PTPRD: variants seen among roughly 807,000 people sequenced by gnomAD.
The protein encoded by PTPRD is receptor-type tyrosine-protein phosphatase delta.
Under a neutral mutation model 214.5 loss-of-function variants are expected in PTPRD, and 34 were observed. The ratio of observed to expected loss-of-function variants is 0.16; its 90% CI spans 0.12 to 0.21. PTPRD has a LOEUF of 0.21. Among genes scored for constraint, PTPRD ranks in the 10% least tolerant of loss-of-function variants. The pLI, the probability that PTPRD is intolerant of heterozygous loss-of-function variation, is 1.00. For synonymous variants in PTPRD, 1,128 were observed against 845.7 expected (o/e 1.33, Z -5.79); for missense variants, 2,545 against 2,398.7 (o/e 1.06, Z -1.27).
chr9:9,841,362 A>G (rs1389078475), intron 5 of PTPRD, among the ~76,000 whole-genome samples: 1 of 152,082 alleles, frequency 6.6e-6, no homozygotes, highest in Non-Finnish European at 1.5e-5. Flanking sequence ...AACTTGTGCA[A>G]GTTACTTTTT....
intron 14 of PTPRD, among the ~76,000 whole-genome samples, chr9:8,584,363 G>C (rs1440262022): frequency 3.3e-5 from 5 of 151,634 alleles, no homozygotes; most frequent in African/African-American, 1.2e-4. Flanking sequence ...ATTAGGTTGG[G>C]TAGAAAAATG....
chr9:10,259,046 G>T (rs1023475949), intron 3 of PTPRD, among the ~76,000 whole-genome samples: 1 of 151,404 alleles, frequency 6.6e-6, no homozygotes, highest in Non-Finnish European at 1.5e-5. Flanking sequence ...TTTTTGAGAC[G>T]GAGTCTCACT....
intron 43 of PTPRD, among the ~76,000 whole-genome samples, chr9:8,333,329 T>C (rs899457854): frequency 1.3e-5 from 2 of 152,154 alleles, no homozygotes; most frequent in African/African-American, 4.8e-5. Flanking sequence ...TTGCTTTCAA[T>C]AGCAAGAAGA....
At chr9:9,875,858 T>C (rs1003676164) in intron 5 of PTPRD, among the ~76,000 whole-genome samples, 15 of 152,046 alleles carry the variant, frequency 9.9e-5, no homozygotes, top group Non-Finnish European at 2.2e-4. Flanking sequence ...TAAAATACTA[T>C]AAAAAAGGAA....
intron 5 of PTPRD, among the ~76,000 whole-genome samples, chr9:9,897,624 G>A (rs139952633): frequency 6.6e-6 from 1 of 151,920 alleles, no homozygotes; most frequent in Non-Finnish European, 1.5e-5. Context: ...AATATATACA[G>A]TATTACAAAC....
At chr9:10,230,466 ATCTATCTATCTG>A (rs1193256648) in intron 3 of PTPRD, among the ~76,000 whole-genome samples, 11 of 151,608 alleles carry the variant, frequency 7.3e-5, no homozygotes, top group African/African-American at 2.7e-4. Flanking sequence ...CTATCTATCT[ATCTATCTATCTG>A]TCTATCTACC....
At chr9:9,303,645 T>C (rs17605580) in intron 9 of PTPRD, among the ~76,000 whole-genome samples, 18,460 of 152,086 alleles carry the variant, frequency 0.12, 1,409 homozygotes, top group Non-Finnish European at 0.17. Flanking sequence ...ACAGTCAACA[T>C]GTGGATTGGT....
intron 2 of PTPRD, among the ~76,000 whole-genome samples, chr9:10,571,812 G>A (rs1591209936): frequency 6.6e-6 from 1 of 152,020 alleles, no homozygotes; most frequent in African/African-American, 2.4e-5. Context: ...TCTCTCACAT[G>A]AGCAGTTCAC....
At chr9:8,751,378 C>T (rs545363578) in intron 11 of PTPRD, among the ~76,000 whole-genome samples, 1 of 150,992 alleles carries the variant, frequency 6.6e-6, no homozygotes, top group Non-Finnish European at 1.5e-5. Flanking sequence ...ATCTGTGATT[C>T]CGGAAAGGCT....
intron 14 of PTPRD, among the ~76,000 whole-genome samples, chr9:8,558,629 C>A (rs1435737723): frequency 1.3e-5 from 2 of 152,318 alleles, no homozygotes; most frequent in East Asian, 3.9e-4. Flanking sequence ...AAGCCTAGAA[C>A]CCAGACAGTC....
intron 2 of PTPRD, among the ~76,000 whole-genome samples, chr9:10,586,993 A>G (rs1361403869): frequency 6.6e-6 from 1 of 152,024 alleles, no homozygotes; most frequent in East Asian, 1.9e-4. Context: ...AAGACAGGCT[A>G]TTTCACCATC....
At chr9:8,972,847 A>G (rs2099246647) in intron 11 of PTPRD, among the ~76,000 whole-genome samples, 1 of 151,970 alleles carries the variant, frequency 6.6e-6, no homozygotes, top group Non-Finnish European at 1.5e-5. Context: ...TGCCATAGAT[A>G]AATGGTGACA....
At chr9:8,727,945 C>T (rs2098604061) in intron 12 of PTPRD, among the ~76,000 whole-genome samples, 1 of 152,172 alleles carries the variant, frequency 6.6e-6, no homozygotes, top group Non-Finnish European at 1.5e-5. Context: ...ACACTCTAAT[C>T]TAACTTAAGA....
intron 2 of PTPRD, among the ~76,000 whole-genome samples, chr9:10,571,688 A>C (rs1006940793): frequency 6.6e-6 from 1 of 152,168 alleles, no homozygotes; most frequent in Non-Finnish European, 1.5e-5. Context: ...ACCAGGGACC[A>C]CTTTCATGGA....
intron 9 of PTPRD, among the ~76,000 whole-genome samples, chr9:9,270,014 A>G (rs1455236594): frequency 1.3e-5 from 2 of 150,424 alleles, no homozygotes; most frequent in African/African-American, 4.9e-5. Context: ...TTACTATATA[A>G]TATTACTATA....
At chr9:9,548,424 TTA>T (rs1173281489) in intron 8 of PTPRD, among the ~76,000 whole-genome samples, 7 of 150,092 alleles carry the variant, frequency 4.7e-5, no homozygotes, top group Non-Finnish European at 5.9e-5. Context: ...TTTTTTTTTT[TTA>T]AGACGGAGTC....
At chr9:10,580,732 CACAG>C (rs1418735690) in intron 2 of PTPRD, among the ~76,000 whole-genome samples, 1 of 152,146 alleles carries the variant, frequency 6.6e-6, no homozygotes, top group Non-Finnish European at 1.5e-5. Context: ...AACCAGGTCT[CACAG>C]AGACAAAGTG....
intron 8 of PTPRD, among the ~76,000 whole-genome samples, chr9:9,438,696 T>C (rs778504284): frequency 2.6e-5 from 4 of 152,194 alleles, no homozygotes; most frequent in Non-Finnish European, 5.9e-5. Flanking sequence ...TTTAAAAAGT[T>C]AAACATTATC....
At chr9:9,826,240 T>G (rs1379768953) in intron 5 of PTPRD, among the ~76,000 whole-genome samples, 3 of 151,864 alleles carry the variant, frequency 2.0e-5, no homozygotes, top group Non-Finnish European at 2.9e-5. Context: ...TATATTTGTT[T>G]GCTCTTATCT....
Sources: allele counts gnomAD v4.1 joint callset (sites outside exome capture counted in the v4.1 genomes callset), GRCh38; gene constraint gnomAD v4.1.1; transcripts MANE v1.5; gene names NCBI Gene and HGNC (gene_info 2026-07-23, HGNC 2026-07-21).